The following CIMAP1D variants were observed in gnomAD, a reference collection of about 807,000 sequenced individuals.
The protein encoded by CIMAP1D is protein CIMAP1D.
the CIMAP1D span, among the ~76,000 whole-genome samples, chr19:488,796 G>C: frequency 3.6e-4 from 55 of 152,318 alleles, no homozygotes; most frequent in Non-Finnish European, 6.3e-4. Context: ...AGGCTCCTTG[G>C]GCGAACGGCC....
the CIMAP1D span, among the ~76,000 whole-genome samples, chr19:464,609 C>G: frequency 1.3e-5 from 2 of 152,208 alleles, no homozygotes; most frequent in Middle Eastern, 3.2e-3. Flanking sequence ...CTGCCTTCCC[C>G]AGCCCATCCA....
At chr19:478,228 A>G in the CIMAP1D span, among the ~76,000 whole-genome samples, 1 of 152,284 alleles carries the variant, frequency 6.6e-6, no homozygotes, top group South Asian at 2.1e-4. Context: ...AGGGGCTCCC[A>G]CGGCTAAAGA....
At chr19:463,589 C>CCTGGT in the CIMAP1D span, 2 of 550,736 alleles carry the variant, frequency 3.6e-6, no homozygotes, top group Non-Finnish European at 6.2e-6. Context: ...CCCCACCTGG[C>CCTGGT]CTGGCCTGGC....
At chr19:473,972 G>T in the CIMAP1D span, among the ~76,000 whole-genome samples, 1 of 147,500 alleles carries the variant, frequency 6.8e-6, no homozygotes, top group Non-Finnish European at 1.5e-5. Context: ...AGAGATACAC[G>T]GTCACAGATG....
the CIMAP1D span, chr19:467,693 C>T: frequency 6.2e-7 from 1 of 1,612,366 alleles, no homozygotes; most frequent in Non-Finnish European, 8.5e-7. Flanking sequence ...AGGGGTGCAG[C>T]TGCGGCCAAA....
At chr19:466,575 G>A in the CIMAP1D span, among the ~76,000 whole-genome samples, 1 of 145,296 alleles carries the variant, frequency 6.9e-6, no homozygotes, top group Non-Finnish European at 1.5e-5. Flanking sequence ...TGCTAGGTGG[G>A]TGGATAGATG....
chr19:488,399 G>A, the CIMAP1D span, among the ~76,000 whole-genome samples: 1 of 152,182 alleles, frequency 6.6e-6, no homozygotes, highest in Non-Finnish European at 1.5e-5. Context: ...GCAGGCGCCT[G>A]TAGTCCCAGC....
chr19:485,006 T>C, the CIMAP1D span, among the ~76,000 whole-genome samples: 8,009 of 151,276 alleles, frequency 0.053, 532 homozygotes, highest in African/African-American at 0.15. Context: ...TGCTGTGGGA[T>C]GGTCAGGAGT....
chr19:464,056 G>A, the CIMAP1D span: 27 of 1,583,700 alleles, frequency 1.7e-5, no homozygotes, highest in Non-Finnish European at 2.0e-5. Context: ...GTGAAGGCAG[G>A]CAGGCGCTGG....
chr19:464,129 CG>C, the CIMAP1D span: 4 of 881,252 alleles, frequency 4.5e-6, no homozygotes, highest in South Asian at 1.0e-4. Context: ...CAGGATCCTG[CG>C]GGGGGCGGGC....
chr19:466,587 G>A, the CIMAP1D span, among the ~76,000 whole-genome samples: 6 of 144,652 alleles, frequency 4.1e-5, no homozygotes, highest in Non-Finnish European at 9.1e-5. Flanking sequence ...GGATAGATGA[G>A]TGGATTGAAG....
At chr19:479,408 TTTTG>T in the CIMAP1D span, among the ~76,000 whole-genome samples, 3 of 51,950 alleles carry the variant, frequency 5.8e-5, no homozygotes, top group African/African-American at 6.3e-5. Flanking sequence ...CTTTTTTTTT[TTTTG>T]GGGGGGGGGG....
At chr19:463,824 G>C in the CIMAP1D span, 9 of 1,600,266 alleles carry the variant, frequency 5.6e-6, no homozygotes, top group Non-Finnish European at 6.8e-6. Context: ...CCCGTTCACT[G>C]TGTGGGAAAC....
At chr19:474,809 C>T in the CIMAP1D span, 1 of 1,345,656 alleles carries the variant, frequency 7.4e-7, no homozygotes, top group Non-Finnish European at 9.7e-7. Flanking sequence ...TGAGCCGCAG[C>T]AGCTCTGGCG....
chr19:477,471 G>T, the CIMAP1D span, among the ~76,000 whole-genome samples: 1 of 152,016 alleles, frequency 6.6e-6, no homozygotes, highest in African/African-American at 2.4e-5. Context: ...CCACACAGGA[G>T]GTTGAGGCAG....
chr19:483,255 C>G, the CIMAP1D span, among the ~76,000 whole-genome samples: 7 of 150,616 alleles, frequency 4.6e-5, no homozygotes, highest in Non-Finnish European at 1.5e-5. Context: ...CCCCATCCCC[C>G]CCCAACACCC....
At chr19:480,698 CGATGATGGAGAAG>C in the CIMAP1D span, among the ~76,000 whole-genome samples, 1 of 86,594 alleles carries the variant, frequency 1.2e-5, no homozygotes, top group African/African-American at 6.4e-5. Flanking sequence ...TGATGGAGAA[CGATGATGGAGAAG>C]GAATGTGGGA....
At chr19:472,647 G>A in the CIMAP1D span, 18 of 533,504 alleles carry the variant, frequency 3.4e-5, no homozygotes, top group South Asian at 1.0e-4. Context: ...GCTGCTGCCC[G>A]TCGGGGACAA....
chr19:484,133 CT>C, the CIMAP1D span, among the ~76,000 whole-genome samples: 1 of 136,984 alleles, frequency 7.3e-6, no homozygotes, highest in African/African-American at 2.8e-5. Context: ...CTTTTCTTTT[CT>C]TTTTCTTTTT....
Sources: allele counts gnomAD v4.1 joint callset (sites outside exome capture counted in the v4.1 genomes callset), GRCh38; gene constraint gnomAD v4.1.1; transcripts MANE v1.5; gene names NCBI Gene and HGNC (gene_info 2026-07-23, HGNC 2026-07-21).